The following TCF4 variants were observed in gnomAD, a reference collection of about 807,000 sequenced individuals.
TCF4 encodes the protein transcription factor 4, also known as SL3-3 enhancer factor 2.
Under a neutral mutation model 82.1 loss-of-function variants are expected in TCF4, and 3 were observed. The ratio of observed to expected loss-of-function variants is 0.04; its 90% CI spans 0.02 to 0.09. The LOEUF is 0.09. TCF4 is among the 10% of genes least tolerant of loss of function. The pLI is 1.00. For synonymous variants in TCF4, 276 were observed against 309.6 expected (o/e 0.89, Z 1.14); for missense variants, 518 against 852.7 (o/e 0.61, Z 4.89).
chr18:55,440,097 C>T (rs980430941), intron 5 of TCF4, among the ~76,000 whole-genome samples: 3 of 152,146 alleles, frequency 2.0e-5, no homozygotes, highest in Non-Finnish European at 2.9e-5. Context: ...TGTCTGAATA[C>T]GCATGCCTGT....
chr18:55,493,513 A>C (rs2096597216), intron 3 of TCF4, among the ~76,000 whole-genome samples: 1 of 152,180 alleles, frequency 6.6e-6, no homozygotes, highest in Admixed American at 6.6e-5. Context: ...GAAGTAATGT[A>C]AATGATAAAT....
At chr18:55,429,789 A>AAAC (rs2095128565) in intron 5 of TCF4, among the ~76,000 whole-genome samples, 1 of 150,394 alleles carries the variant, frequency 6.6e-6, no homozygotes, top group Non-Finnish European at 1.5e-5. Flanking sequence ...AAAAAAAAAA[A>AAAC]CAATTTGGTC....
chr18:55,325,677 G>A (rs866905631), intron 8 of TCF4, among the ~76,000 whole-genome samples: 5 of 152,152 alleles, frequency 3.3e-5, no homozygotes, highest in East Asian at 1.9e-4. Flanking sequence ...CACTGAACAC[G>A]GAAAGTTGTT....
In TCF4 at chr18:55,224,982, T is replaced by TC. The variant is rs1304667525; in HGVS notation, c.*3052dup. The TC allele has an allele frequency of 1.3e-5, 2 of 152,204 alleles. No homozygotes were observed. 9.4% of individuals were successfully genotyped at this position (152,204 alleles called of 1,614,324 possible). A position where few individuals can be genotyped will look rare whatever the true frequency, so the allele number is the denominator to read the frequency against. ...AATCTTAACTGTCTTCTGCTGAACT[T>TC]CATTTGAAAATCCAGTGCAGGATAC... On this transcript the variant is annotated 3_prime_UTR_variant, in exon 20 of 20. Coordinates refer to ENST00000354452, the MANE Select transcript of TCF4 (RefSeq NM_001083962.2).
chr18:55,228,174 G>A, intron 19 of TCF4, 47 bp downstream of exon 19: 2 of 1,612,008 alleles, frequency 1.2e-6, no homozygotes, highest in African/African-American at 1.3e-5. Flanking sequence ...ATACACTGAT[G>A]AGAGTTTTGA....
Position 55,290,935 on chromosome 18 carries a change from C to T in TCF4, c.550-11279G>A, listed in dbSNP as rs140299626. Among the ~76,000 whole-genome samples the T allele has an allele frequency of 3.0e-3, 460 of 152,212 alleles. 4 individuals are homozygous for T. Among genetic ancestry groups the T allele is most frequent in the African/African-American group, 9.3e-3 (387 of 41,536 alleles). On this transcript the variant is annotated intron_variant, in intron 8 of 19. Transcript: ENST00000354452. The stretch of plus-strand genomic sequence containing the variant: ...TATTCTTTGATCTTGAACTTAATTA[C>T]GTAAAGCAAATTTGACAAAATTCTA...
At chr18:55,243,513 G>A (rs1213096032) in intron 15 of TCF4, among the ~76,000 whole-genome samples, 2 of 152,132 alleles carry the variant, frequency 1.3e-5, no homozygotes, top group African/African-American at 4.8e-5. Flanking sequence ...AAAAGCAGAA[G>A]AAAGGATTTA....
intron 8 of TCF4, among the ~76,000 whole-genome samples, chr18:55,281,827 T>C (rs1298438352): frequency 6.6e-6 from 1 of 151,972 alleles, no homozygotes; most frequent in Non-Finnish European, 1.5e-5. Context: ...TGAATTATAA[T>C]CAAGCTCAAA....
At chr18:55,399,050 C>T (rs2093653054) in intron 6 of TCF4, among the ~76,000 whole-genome samples, 1 of 152,110 alleles carries the variant, frequency 6.6e-6, no homozygotes, top group Non-Finnish European at 1.5e-5. Flanking sequence ...CCTAATTGGC[C>T]TCAATTGCCA....
At chr18:55,281,558 A>C (rs188427299) in intron 8 of TCF4, among the ~76,000 whole-genome samples, 7 of 152,136 alleles carry the variant, frequency 4.6e-5, no homozygotes, top group Admixed American at 6.5e-5. Context: ...TCTCCGACCC[A>C]TATTATTAAA....
chr18:55,512,921 T>C (rs549078488), intron 3 of TCF4, among the ~76,000 whole-genome samples: 112 of 152,246 alleles, frequency 7.4e-4, no homozygotes, highest in African/African-American at 2.6e-3. Flanking sequence ...TGCTTAAGGG[T>C]AGCAGGCAGG....
intron 8 of TCF4, among the ~76,000 whole-genome samples, chr18:55,350,154 T>C (rs2082027650): frequency 6.6e-6 from 1 of 152,134 alleles, no homozygotes; most frequent in South Asian, 2.1e-4. Flanking sequence ...AATATCAACA[T>C]AACCACCCAG....
chr18:55,507,841 G>T (rs963697627), intron 3 of TCF4, among the ~76,000 whole-genome samples: 3 of 152,058 alleles, frequency 2.0e-5, no homozygotes, highest in African/African-American at 7.2e-5. Context: ...TGGTGCTGAG[G>T]AGTTACCCTC....
intron 17 of TCF4, chr18:55,230,408 A>G (rs1442902598): frequency 6.6e-6 from 1 of 152,234 alleles, no homozygotes; most frequent in African/African-American, 2.4e-5. Context: ...CTGTCATGTA[A>G]AAAAGAGAAG....
intron 17 of TCF4, chr18:55,230,284 T>C (rs1377378737): frequency 6.6e-6 from 1 of 152,170 alleles, no homozygotes; most frequent in Admixed American, 6.5e-5. Flanking sequence ...TTTCTGAGTG[T>C]TACAGTGACA....
intron 6 of TCF4, among the ~76,000 whole-genome samples, chr18:55,365,191 A>ATATATATATATATATGTGTGTGTGTGTG (rs1361444592): frequency 3.1e-5 from 3 of 97,944 alleles, no homozygotes; most frequent in African/African-American, 1.0e-4. Context: ...ATATATATAT[A>ATATATATATATATATGTGTGTGTGTGTG]TGTGTGTGTG....
chr18:55,580,362 C>T (rs1010270482), intron 3 of TCF4, among the ~76,000 whole-genome samples: 2 of 151,898 alleles, frequency 1.3e-5, no homozygotes, highest in Admixed American at 1.3e-4. Flanking sequence ...TATTTTTTTA[C>T]ATATTAATAC....
intron 8 of TCF4, among the ~76,000 whole-genome samples, chr18:55,337,567 A>T (rs2078915220): frequency 6.6e-6 from 1 of 152,188 alleles, no homozygotes; most frequent in Admixed American, 6.5e-5. Flanking sequence ...ACAACCTCCC[A>T]AAAAAGCAGA....
intron 8 of TCF4, among the ~76,000 whole-genome samples, chr18:55,307,849 T>C (rs1376960160): frequency 6.6e-6 from 1 of 152,154 alleles, no homozygotes; most frequent in African/African-American, 2.4e-5. Flanking sequence ...GTCTAGACTG[T>C]AGCAACGAGA....
Sources: gnomAD v4.1 joint callset for allele counts (sites outside exome capture counted in the v4.1 genomes callset) on GRCh38, gnomAD v4.1.1 for gene constraint, MANE v1.5 for transcripts, NCBI Gene and HGNC (gene_info 2026-07-23, HGNC 2026-07-21) for gene names.